The following REDIC1 variants were observed in gnomAD, a reference collection of about 807,000 sequenced individuals.
The protein encoded by REDIC1 is HEI10 Interacting Protein 1.
the REDIC1 span, among the ~76,000 whole-genome samples, chr12:39,789,538 G>A: frequency 3.3e-5 from 5 of 151,922 alleles, no homozygotes; most frequent in South Asian, 2.1e-4. Context: ...TGTGTGCAAG[G>A]GTTTCTCTAA....
the REDIC1 span, among the ~76,000 whole-genome samples, chr12:39,708,022 TG>T: frequency 1.3e-5 from 2 of 151,752 alleles, no homozygotes; most frequent in East Asian, 1.9e-4. Context: ...AAGGTAGTTG[TG>T]GGGTTGGGAG....
the REDIC1 span, among the ~76,000 whole-genome samples, chr12:39,733,840 C>T: frequency 1.1e-4 from 16 of 152,188 alleles, no homozygotes; most frequent in African/African-American, 3.6e-4. Flanking sequence ...TTGAAGGGCT[C>T]TGTGGGGGTG....
the REDIC1 span, among the ~76,000 whole-genome samples, chr12:39,638,274 C>T: frequency 2.6e-5 from 4 of 151,940 alleles, no homozygotes; most frequent in Non-Finnish European, 5.9e-5. Flanking sequence ...TTGTAGTAGG[C>T]AGTTGCAGGA....
chr12:39,777,480 G>C, the REDIC1 span, among the ~76,000 whole-genome samples: 56 of 152,314 alleles, frequency 3.7e-4, no homozygotes, highest in African/African-American at 1.3e-3. Flanking sequence ...GTAGAGGAGG[G>C]CGTGGTCCCT....
chr12:39,697,835 G>A, the REDIC1 span, among the ~76,000 whole-genome samples: 1 of 152,060 alleles, frequency 6.6e-6, no homozygotes, highest in African/African-American at 2.4e-5. Flanking sequence ...AGACAAGAAG[G>A]AAGGAAAGAC....
the REDIC1 span, among the ~76,000 whole-genome samples, chr12:39,665,682 A>G: frequency 3.3e-5 from 5 of 150,326 alleles, no homozygotes; most frequent in Non-Finnish European, 7.4e-5. Context: ...CATTTTCACG[A>G]TATTGATTCT....
the REDIC1 span, among the ~76,000 whole-genome samples, chr12:39,902,953 G>C: frequency 3.3e-5 from 5 of 152,008 alleles, no homozygotes; most frequent in African/African-American, 4.8e-5. Context: ...TGTTGACTAC[G>C]TTCCAGGAAA....
chr12:39,664,444 A>T, the REDIC1 span, among the ~76,000 whole-genome samples: 2 of 152,070 alleles, frequency 1.3e-5, no homozygotes, highest in Non-Finnish European at 2.9e-5. Flanking sequence ...CATGGTGTAT[A>T]TGTGCCACAT....
At chr12:39,705,189 A>G in the REDIC1 span, among the ~76,000 whole-genome samples, 1 of 152,104 alleles carries the variant, frequency 6.6e-6, no homozygotes. Flanking sequence ...GAATGACTAC[A>G]TGCCAATAAG....
the REDIC1 span, chr12:39,871,964 G>A: frequency 2.5e-6 from 4 of 1,576,414 alleles, no homozygotes; most frequent in South Asian, 1.2e-5. Context: ...TGTAGTACCT[G>A]CAAAGCAATG....
At chr12:39,724,848 G>A in the REDIC1 span, among the ~76,000 whole-genome samples, 1 of 151,936 alleles carries the variant, frequency 6.6e-6, no homozygotes, top group Non-Finnish European at 1.5e-5. Flanking sequence ...AAATATGAAA[G>A]AGCATTAATT....
At chr12:39,628,505 G>C in the REDIC1 span, among the ~76,000 whole-genome samples, 3 of 152,104 alleles carry the variant, frequency 2.0e-5, no homozygotes, top group African/African-American at 7.2e-5. Flanking sequence ...CATTGTTAGG[G>C]ATGTTTTTGG....
At chr12:39,829,416 C>CT in the REDIC1 span, 10 of 67,616 alleles carry the variant, frequency 1.5e-4, 1 homozygote, top group Non-Finnish European at 2.9e-4. Context: ...TTTTTTTTTT[C>CT]TTTTTTTTGA....
the REDIC1 span, among the ~76,000 whole-genome samples, chr12:39,839,056 C>T: frequency 2.6e-5 from 4 of 152,050 alleles, no homozygotes; most frequent in Admixed American, 6.6e-5. Flanking sequence ...TGAATTGACA[C>T]CTATTTTGTG....
At chr12:39,752,593 C>T in the REDIC1 span, among the ~76,000 whole-genome samples, 5 of 152,106 alleles carry the variant, frequency 3.3e-5, no homozygotes, top group South Asian at 4.2e-4. Flanking sequence ...GTAATGTATT[C>T]GGGTGAAAGG....
At chr12:39,782,524 C>A in the REDIC1 span, among the ~76,000 whole-genome samples, 33 of 152,106 alleles carry the variant, frequency 2.2e-4, no homozygotes, top group Non-Finnish European at 4.4e-4. Flanking sequence ...AACTGTAAGT[C>A]CAATTAAACC....
chr12:39,712,971 ATG>A, the REDIC1 span, among the ~76,000 whole-genome samples: 1 of 13,476 alleles, frequency 7.4e-5, no homozygotes, highest in South Asian at 2.5e-3. Context: ...ATACGTGTAT[ATG>A]TATATATACA....
At chr12:39,687,305 A>G in the REDIC1 span, among the ~76,000 whole-genome samples, 1 of 152,152 alleles carries the variant, frequency 6.6e-6, no homozygotes, top group African/African-American at 2.4e-5. Context: ...AATACTTGAG[A>G]CTGGGTAATT....
chr12:39,705,083 AAAATT>A, the REDIC1 span, among the ~76,000 whole-genome samples: 1 of 151,436 alleles, frequency 6.6e-6, no homozygotes, highest in East Asian at 1.9e-4. Context: ...AATAATAAAT[AAAATT>A]AAATTAAAAA....
Sources: gnomAD v4.1 joint callset for allele counts (sites outside exome capture counted in the v4.1 genomes callset) on GRCh38, gnomAD v4.1.1 for gene constraint, MANE v1.5 for transcripts, NCBI Gene and HGNC (gene_info 2026-07-23, HGNC 2026-07-21) for gene names.